The following METTL15 variants were observed in gnomAD, a reference collection of about 807,000 sequenced individuals.
METTL15 encodes 12S rRNA N(4)-cytidine methyltransferase METTL15.
METTL15 carries 34 observed loss-of-function variants against 38.3 expected under a neutral mutation model. The observed-to-expected ratio is 0.89, with a 90% CI of 0.68 to 1.18. The LOEUF (loss-of-function observed/expected upper bound fraction) is 1.18. METTL15 is among the 50% of genes most tolerant of loss of function. METTL15 has a pLI of 0.00. For missense variants in METTL15, 438 were observed against 498.4 expected, an observed-to-expected ratio of 0.88 and a Z score of 1.15; for synonymous variants, 162 against 170.9, an observed-to-expected ratio of 0.95 and a Z score of 0.41.
intron 4 of METTL15, among the ~76,000 whole-genome samples, chr11:28,250,355 T>A (rs1854688973): frequency 6.6e-6 from 1 of 152,072 alleles, no homozygotes. Flanking sequence ...GTATAAGCAT[T>A]TCCTTTTCTC....
chr11:28,471,394 C>A (rs1484883054), intron 6 of METTL15, among the ~76,000 whole-genome samples: 2 of 152,144 alleles, frequency 1.3e-5, no homozygotes, highest in South Asian at 2.1e-4. Context: ...TAAACACTGG[C>A]TGCTACAAAT....
At chr11:28,291,043 T>G in intron 5 of METTL15, among the ~76,000 whole-genome samples, 1 of 135,358 alleles carries the variant, frequency 7.4e-6, no homozygotes, top group East Asian at 2.2e-4. Flanking sequence ...GTAGAAATAA[T>G]TCTTTTCTTT....
chr11:28,270,254 T>G (rs1855589227), intron 4 of METTL15, among the ~76,000 whole-genome samples: 1 of 152,208 alleles, frequency 6.6e-6, no homozygotes, highest in Admixed American at 6.6e-5. Flanking sequence ...TATTTTTAAC[T>G]GACAAATATT....
At position 28,503,274 on chromosome 11, in the gene METTL15, G is replaced by A. The variant is rs140056678; in HGVS notation, c.*425-23204G>A. 4.0e-3 allele frequency among the ~76,000 whole-genome samples: 609 copies of A among 152,298 alleles called. 6 individuals carry two copies. The highest frequency in any genetic ancestry group is 0.014 in the African/African-American group (562 of 41,564). On this transcript the variant is annotated intron_variant and NMD_transcript_variant, in intron 6 of 7. Transcript: ENST00000532947. ...TGACCCTTGTGGGGTGTAAAAGTAC[G>A]ATCCTTCCCCAGGGAGGAACAATAA...
chr11:28,297,057 C>T (rs1421988855), intron 6 of METTL15, 126 bp downstream of exon 6: 5 of 914,710 alleles, frequency 5.5e-6, no homozygotes, highest in African/African-American at 5.0e-5. Flanking sequence ...CTGAGGGATT[C>T]ATTTGTACTT....
At chr11:28,128,724 G>A (rs1328932388) in intron 3 of METTL15, among the ~76,000 whole-genome samples, 2 of 152,164 alleles carry the variant, frequency 1.3e-5, no homozygotes, top group Admixed American at 1.3e-4. Context: ...AAAAGTGTGA[G>A]TAGGGAAACT....
intron 4 of METTL15, among the ~76,000 whole-genome samples, chr11:28,254,308 C>G (rs1246386450): frequency 6.6e-6 from 1 of 152,120 alleles, no homozygotes; most frequent in African/African-American, 2.4e-5. Flanking sequence ...AGATCTTTTG[C>G]TGACTTTTTA....
intron 6 of METTL15, among the ~76,000 whole-genome samples, chr11:28,323,022 A>T (rs1370131909): frequency 1.3e-5 from 2 of 152,184 alleles, no homozygotes; most frequent in African/African-American, 4.8e-5. Flanking sequence ...TTCGTTTCTT[A>T]TAAGTATATG....
At chr11:28,259,399 C>T (rs1245432228) in intron 4 of METTL15, among the ~76,000 whole-genome samples, 1 of 152,110 alleles carries the variant, frequency 6.6e-6, no homozygotes, top group Non-Finnish European at 1.5e-5. Context: ...CTGAGTACAT[C>T]ATGTACCCGC....
intron 3 of METTL15, among the ~76,000 whole-genome samples, chr11:28,200,944 G>C (rs1314827908): frequency 6.6e-6 from 1 of 152,028 alleles, no homozygotes; most frequent in African/African-American, 2.4e-5. Flanking sequence ...ATACTATGTT[G>C]AATAGGAGTG....
At chr11:28,372,852 G>A (rs1218408538) in intron 5 of METTL15, among the ~76,000 whole-genome samples, 7 of 137,396 alleles carry the variant, frequency 5.1e-5, no homozygotes, top group Non-Finnish European at 3.0e-5. Flanking sequence ...TCCCACCTAT[G>A]AGTGAGAATA....
intron 3 of METTL15, among the ~76,000 whole-genome samples, chr11:28,191,613 A>G (rs558484799): frequency 5.3e-5 from 8 of 151,746 alleles, no homozygotes; most frequent in East Asian, 1.9e-4. Context: ...TTAGTAATCT[A>G]GTGTCTAATT....
rs550106185 is a variant in METTL15 at position 28,331,669 on chromosome 11, C to T, written c.*828C>T. On this transcript the variant is annotated 3_prime_UTR_variant, in exon 7 of 7. Transcript: ENST00000407364. ...TCTATTTAATATAGTAAAATCAATGCTCCCTTAATGTTGTTACAAAGATAT... is the reference window on the plus strand; with the variant it reads ...TCTATTTAATATAGTAAAATCAATGTTCCCTTAATGTTGTTACAAAGATAT... 6.6e-6 allele frequency: 1 copy of T among 152,100 alleles called. No individual in the cohort carries two copies. Among genetic ancestry groups the T allele is most frequent in the Admixed American group, 6.5e-5 (1 of 15,282 alleles). The allele number at this position is 152,100 out of a possible 1,614,324, so 9.4% of individuals were successfully genotyped here.
chr11:28,426,584 G>GTTTTTTTTTTTTTTTTTT (rs66959082), intron 6 of METTL15, among the ~76,000 whole-genome samples: 2 of 82,342 alleles, frequency 2.4e-5, no homozygotes, highest in African/African-American at 5.3e-5. Flanking sequence ...GCCAGCATCT[G>GTTTTTTTTTTTTTTTTTT]TTTTTTTTTT....
At chr11:28,515,382 A>C (rs1851711191) in intron 6 of METTL15, among the ~76,000 whole-genome samples, 1 of 152,210 alleles carries the variant, frequency 6.6e-6, no homozygotes, top group South Asian at 2.1e-4. Context: ...GAATTTTCCT[A>C]TTATATTCAT....
intron 6 of METTL15, among the ~76,000 whole-genome samples, chr11:28,467,194 A>G (rs912165737): frequency 6.6e-6 from 1 of 152,206 alleles, no homozygotes; most frequent in African/African-American, 2.4e-5. Flanking sequence ...TTAACCGTCT[A>G]GACTTCTCCC....
chr11:28,178,588 T>C (rs1236705464), intron 3 of METTL15, among the ~76,000 whole-genome samples: 1 of 151,500 alleles, frequency 6.6e-6, no homozygotes. Flanking sequence ...AATAGTCTGG[T>C]TTTTTTTGGT....
chr11:28,322,009 G>T (rs1452998502), intron 6 of METTL15, among the ~76,000 whole-genome samples: 1 of 151,810 alleles, frequency 6.6e-6, no homozygotes, highest in African/African-American at 2.4e-5. Flanking sequence ...AAAAAAATTA[G>T]ATTTGAACCT....
chr11:28,320,880 A>G (rs978684384), intron 6 of METTL15, among the ~76,000 whole-genome samples: 4 of 152,100 alleles, frequency 2.6e-5, no homozygotes, highest in Non-Finnish European at 5.9e-5. Flanking sequence ...AAGTCTCTAT[A>G]CTTTTAAAAC....
Sources: allele counts gnomAD v4.1 joint callset (sites outside exome capture counted in the v4.1 genomes callset), GRCh38; gene constraint gnomAD v4.1.1; transcripts MANE v1.5; gene names NCBI Gene and HGNC (gene_info 2026-07-23, HGNC 2026-07-21).